The following LRP1B variants were observed in gnomAD, a reference collection of about 807,000 sequenced individuals.
The protein encoded by LRP1B is low-density lipoprotein receptor-related protein 1B.
A neutral mutation model predicts 556.6 loss-of-function variants in LRP1B; 217 were observed. The observed-to-expected ratio is 0.39, with a 90% confidence interval of 0.35 to 0.44. The LOEUF is 0.44. Among genes scored for constraint, LRP1B ranks in the 20% least tolerant of loss-of-function variants. The probability of loss-of-function intolerance (pLI) is 1.00; values close to 1 mark genes in which losing one functional copy is unlikely to be tolerated. For missense variants in LRP1B, 5,053 were observed against 5,620.8 expected (o/e 0.90, Z 3.23); for synonymous variants, 2,047 against 1,865.8 (o/e 1.10, Z -2.50).
intron 2 of LRP1B, among the ~76,000 whole-genome samples, chr2:141,580,969 T>C (rs17734546): frequency 0.08 from 12,157 of 152,272 alleles, 568 homozygotes; most frequent in South Asian, 0.14. Flanking sequence ...GTTATTGGAA[T>C]ACTTCTGCTT....
chr2:141,832,530 A>C (rs1019252325), intron 1 of LRP1B, among the ~76,000 whole-genome samples: 3 of 151,784 alleles, frequency 2.0e-5, no homozygotes, highest in African/African-American at 7.2e-5. Flanking sequence ...AACAAAGTTG[A>C]AATTATTCTG....
At chr2:140,570,950 T>A (rs1283851394) in intron 43 of LRP1B, among the ~76,000 whole-genome samples, 1 of 151,812 alleles carries the variant, frequency 6.6e-6, no homozygotes, top group Non-Finnish European at 1.5e-5. Context: ...AGAAAAAGCA[T>A]GTGACAAAAT....
At chr2:140,493,059 C>T (rs74928878) in intron 56 of LRP1B, among the ~76,000 whole-genome samples, 6,258 of 152,210 alleles carry the variant, frequency 0.041, 165 homozygotes, top group Non-Finnish European at 0.047. Flanking sequence ...ACAGCTAAAA[C>T]ATTCTTATGA....
chr2:142,122,111 C>T (rs1002100979), intron 1 of LRP1B, among the ~76,000 whole-genome samples: 1 of 151,998 alleles, frequency 6.6e-6, no homozygotes, highest in Non-Finnish European at 1.5e-5. Context: ...CAGAATGGGT[C>T]GGAGCAATTT....
At chr2:141,551,202 T>C (rs746520678) in intron 2 of LRP1B, among the ~76,000 whole-genome samples, 2 of 152,024 alleles carry the variant, frequency 1.3e-5, no homozygotes, top group Admixed American at 1.3e-4. Flanking sequence ...ATAATTGTGA[T>C]AATTGAAATA....
chr2:141,935,431 A>G (rs1049344852), intron 1 of LRP1B, among the ~76,000 whole-genome samples: 1 of 152,214 alleles, frequency 6.6e-6, no homozygotes, highest in Admixed American at 6.5e-5. Context: ...ACATCTGTCA[A>G]TTAGACATTT....
intron 32 of LRP1B, among the ~76,000 whole-genome samples, chr2:140,793,265 G>A (rs1006451949): frequency 4.6e-5 from 7 of 151,608 alleles, no homozygotes; most frequent in East Asian, 3.9e-4. Flanking sequence ...ATATGACTTC[G>A]ACTTTGATTT....
intron 3 of LRP1B, among the ~76,000 whole-genome samples, chr2:141,397,852 T>A (rs1325423066): frequency 6.6e-6 from 1 of 151,064 alleles, no homozygotes; most frequent in Non-Finnish European, 1.5e-5. Context: ...ATACATTTTA[T>A]ATATATACAT....
At chr2:140,610,044 G>GT (rs1227089976) in intron 41 of LRP1B, among the ~76,000 whole-genome samples, 5 of 136,484 alleles carry the variant, frequency 3.7e-5, no homozygotes, top group African/African-American at 5.4e-5. Flanking sequence ...AAAAACTCAG[G>GT]TTTGTTTTTT....
chr2:141,056,636 T>C (rs1388561326), intron 9 of LRP1B, among the ~76,000 whole-genome samples: 1 of 151,900 alleles, frequency 6.6e-6, no homozygotes, highest in Non-Finnish European at 1.5e-5. Context: ...TGGTTTTTCC[T>C]ATTCTTTTCA....
intron 2 of LRP1B, among the ~76,000 whole-genome samples, chr2:141,680,313 A>G (rs939331193): frequency 2.0e-5 from 3 of 152,146 alleles, no homozygotes; most frequent in Admixed American, 2.0e-4. Context: ...TTTATTTTTT[A>G]TTACGTTTTA....
chr2:141,559,792 A>G (rs755760014), intron 2 of LRP1B, among the ~76,000 whole-genome samples: 10 of 151,726 alleles, frequency 6.6e-5, no homozygotes, highest in Admixed American at 1.3e-4. Flanking sequence ...TGATAAATTC[A>G]TTTGAAAAAT....
intron 32 of LRP1B, among the ~76,000 whole-genome samples, chr2:140,788,691 C>G (rs963094792): frequency 8.5e-5 from 13 of 152,196 alleles, no homozygotes; most frequent in Admixed American, 3.3e-4. Context: ...TAAGAAGACT[C>G]TGCTTAAGCA....
At chr2:142,004,771 G>T (rs946502233) in intron 1 of LRP1B, among the ~76,000 whole-genome samples, 6 of 151,668 alleles carry the variant, frequency 4.0e-5, no homozygotes, top group Admixed American at 6.6e-5. Flanking sequence ...ACTGGAACCC[G>T]GGAAGAGAAG....
At position 141,644,729 on chromosome 2, in the gene LRP1B, TCACA is replaced by T. The variant is rs3039268; in HGVS notation, c.206-164200_206-164197del. ...CAGTTGTCTGATAAGCAGTCATTGA[TCACA>T]CACACACACACACACACACACACAC... is the stretch of plus-strand genomic sequence containing the variant. On this transcript the variant is annotated intron_variant, in intron 2 of 90. Coordinates refer to ENST00000389484, the MANE Select transcript of LRP1B (RefSeq NM_018557.3). Among the ~76,000 whole-genome samples the T allele has an allele frequency of 4.5e-3, 631 of 141,596 alleles. 4 individuals carry two copies. The highest frequency in any genetic ancestry group is 0.015 in the African/African-American group (545 of 37,566). The allele number at this position is 141,596 out of a possible 152,430, so 92.9% of individuals were successfully genotyped here.
At chr2:141,804,024 C>A (rs1696093446) in intron 2 of LRP1B, among the ~76,000 whole-genome samples, 1 of 152,068 alleles carries the variant, frequency 6.6e-6, no homozygotes, top group South Asian at 2.1e-4. Flanking sequence ...TGCTTCTCTT[C>A]CTAGTACCCA....
intron 41 of LRP1B, among the ~76,000 whole-genome samples, chr2:140,662,806 C>A (rs112787119): frequency 0.015 from 2,257 of 152,166 alleles, 26 homozygotes; most frequent in Non-Finnish European, 0.023. Context: ...AACATCATTC[C>A]TTCTGACAGA....
At chr2:141,855,693 G>T (rs1698028308) in intron 1 of LRP1B, among the ~76,000 whole-genome samples, 1 of 152,040 alleles carries the variant, frequency 6.6e-6, no homozygotes, top group Non-Finnish European at 1.5e-5. Context: ...AGTATTGAGG[G>T]GTTCAAGGCA....
intron 3 of LRP1B, among the ~76,000 whole-genome samples, chr2:141,442,299 A>G (rs1681006557): frequency 6.6e-6 from 1 of 152,176 alleles, no homozygotes; most frequent in African/African-American, 2.4e-5. Flanking sequence ...CTTTTGATAT[A>G]TCTTACTTTT....
Sources: gnomAD v4.1 joint callset for allele counts (sites outside exome capture counted in the v4.1 genomes callset) on GRCh38, gnomAD v4.1.1 for gene constraint, MANE v1.5 for transcripts, NCBI Gene and HGNC (gene_info 2026-07-23, HGNC 2026-07-21) for gene names.